The following CSMD3 variants were observed in gnomAD, a reference collection of about 807,000 sequenced individuals.
CSMD3 encodes the protein CUB and sushi domain-containing protein 3.
Under a neutral mutation model 435.2 loss-of-function variants are expected in CSMD3, and 177 were observed. The ratio of observed to expected loss-of-function variants is 0.41; its 90% CI spans 0.36 to 0.46. The LOEUF (loss-of-function observed/expected upper bound fraction) is 0.46. CSMD3 is among the 20% of genes least tolerant of loss of function. The pLI is 0.34. For missense variants in CSMD3, 4,265 were observed against 4,504.6 expected (o/e 0.95, Z 1.52); for synonymous variants, 1,656 against 1,520.5 (o/e 1.09, Z -2.07).
At position 113,412,693 on chromosome 8, in the gene CSMD3, C is replaced by T. The variant is rs1413645350; in HGVS notation, c.178+23984G>A. ...AAGCATTTCATAATATTGTATCAAT[C>T]TCCATACCTATCCTGTTTTCCTTCG... On this transcript the variant is annotated intron_variant, in intron 1 of 70. Coordinates refer to ENST00000297405, the MANE Select transcript of CSMD3 (RefSeq NM_198123.2). 3.3e-5 allele frequency among the ~76,000 whole-genome samples: 5 copies of T among 152,098 alleles called. No individual in the cohort carries two copies. The East Asian group carries it at 9.6e-4, about 29-fold the overall frequency.
intron 3 of CSMD3, among the ~76,000 whole-genome samples, chr8:113,178,665 G>C (rs192838547): frequency 6.6e-6 from 1 of 151,800 alleles, no homozygotes; most frequent in Non-Finnish European, 1.5e-5. Context: ...GATCTGAAAA[G>C]GATAAAAAGT....
At chr8:112,767,369 T>C (rs1046544707) in intron 13 of CSMD3, among the ~76,000 whole-genome samples, 3 of 151,760 alleles carry the variant, frequency 2.0e-5, no homozygotes, top group Admixed American at 6.6e-5. Context: ...AGATATAGGA[T>C]GATACCTAGG....
chr8:113,137,497 T>C (rs2091445691), intron 4 of CSMD3, among the ~76,000 whole-genome samples: 1 of 151,636 alleles, frequency 6.6e-6, no homozygotes, highest in Non-Finnish European at 1.5e-5. Context: ...ACTGAGTAAT[T>C]TATAAAAATA....
At chr8:113,210,861 A>G (rs2092826402) in intron 3 of CSMD3, among the ~76,000 whole-genome samples, 1 of 149,494 alleles carries the variant, frequency 6.7e-6, no homozygotes, top group African/African-American at 2.5e-5. Context: ...CAGGGGCAAC[A>G]GAGCAAGACT....
chr8:113,223,441 T>C (rs2092992312), intron 3 of CSMD3, among the ~76,000 whole-genome samples: 1 of 150,602 alleles, frequency 6.6e-6, no homozygotes, highest in African/African-American at 2.4e-5. Flanking sequence ...ATGGCATTAG[T>C]ACCTGCTCAG....
chr8:112,954,954 G>C (rs2083960370), intron 7 of CSMD3, among the ~76,000 whole-genome samples, 193 bp from the exon 8 acceptor site: 1 of 151,468 alleles, frequency 6.6e-6, no homozygotes, highest in Non-Finnish European at 1.5e-5. Context: ...AGTGTAGAAT[G>C]ATTTTAAATA....
In CSMD3 at chr8:112,913,748, A is replaced by C. The variant is rs189247970; in HGVS notation, c.1633+7879T>G. Among the ~76,000 whole-genome samples, 746 of 146,016 alleles carry C rather than the reference A, an allele frequency of 5.1e-3. 2 individuals are homozygous for C. The highest frequency in any genetic ancestry group is 7.6e-3 in the Non-Finnish European group (505 of 66,538). On this transcript the variant is annotated intron_variant, in intron 10 of 70. Transcript: ENST00000297405. Reference sequence around the variant, plus strand: ...TTCATCACCCTGTGGCTTTATACTTAGTTGTCTCTATCTTTAATGTCTTAC... The same window carrying C: ...TTCATCACCCTGTGGCTTTATACTTCGTTGTCTCTATCTTTAATGTCTTAC...
chr8:112,578,020 T>C (rs1180707480), intron 23 of CSMD3, among the ~76,000 whole-genome samples: 1 of 152,094 alleles, frequency 6.6e-6, no homozygotes, highest in African/African-American at 2.4e-5. Flanking sequence ...CCTAGCATTT[T>C]TACTTTTGGT....
At chr8:112,541,363 G>A (rs1826643830) in intron 27 of CSMD3, among the ~76,000 whole-genome samples, 1 of 151,784 alleles carries the variant, frequency 6.6e-6, no homozygotes, top group South Asian at 2.1e-4. Flanking sequence ...ACACAATTGA[G>A]ATTCCCTTAG....
chr8:112,480,294 G>A (rs1241511699), intron 31 of CSMD3, among the ~76,000 whole-genome samples: 1 of 152,170 alleles, frequency 6.6e-6, no homozygotes, highest in African/African-American at 2.4e-5. Flanking sequence ...TAGGCTGATG[G>A]GTGGAAGTGC....
intron 66 of CSMD3, among the ~76,000 whole-genome samples, chr8:112,240,864 T>A (rs1335031208): frequency 6.6e-6 from 1 of 152,032 alleles, no homozygotes; most frequent in Non-Finnish European, 1.5e-5. Flanking sequence ...GGGCTTCTGC[T>A]TTTGCATCTT....
intron 1 of CSMD3, among the ~76,000 whole-genome samples, chr8:113,391,652 T>G (rs2094461593): frequency 1.3e-5 from 2 of 152,124 alleles, no homozygotes; most frequent in Admixed American, 1.3e-4. Flanking sequence ...AAGGACCTAC[T>G]ATGAATGTCA....
intron 10 of CSMD3, among the ~76,000 whole-genome samples, chr8:112,883,487 G>A (rs554641046): frequency 7.9e-5 from 12 of 151,952 alleles, no homozygotes; most frequent in Non-Finnish European, 2.9e-5. Context: ...CTAACAAATA[G>A]TTTAAAAAAT....
At chr8:112,423,834 C>G (rs920666451) in intron 32 of CSMD3, among the ~76,000 whole-genome samples, 4 of 152,110 alleles carry the variant, frequency 2.6e-5, no homozygotes, top group African/African-American at 9.7e-5. Flanking sequence ...TGAGCCTCTA[C>G]CTCTTGTCCC....
chr8:112,597,017 A>G (rs1380464970), intron 22 of CSMD3, among the ~76,000 whole-genome samples: 2 of 152,230 alleles, frequency 1.3e-5, no homozygotes, highest in African/African-American at 4.8e-5. Flanking sequence ...AACTAAAATC[A>G]GAGCACAACT....
chr8:113,153,010 GGAAAA>G (rs948647463), intron 4 of CSMD3, among the ~76,000 whole-genome samples: 41 of 114,722 alleles, frequency 3.6e-4, no homozygotes, highest in African/African-American at 9.8e-4. Flanking sequence ...GAATACAAAA[GGAAAA>G]GAAAAGAAAA....
chr8:112,814,033 G>A (rs2079302730), intron 12 of CSMD3, among the ~76,000 whole-genome samples: 1 of 152,250 alleles, frequency 6.6e-6, no homozygotes, highest in African/African-American at 2.4e-5. Flanking sequence ...TTATCAAATA[G>A]GCATACACAT....
chr8:112,600,868 G>A (rs920587683), intron 22 of CSMD3, among the ~76,000 whole-genome samples: 4 of 151,846 alleles, frequency 2.6e-5, no homozygotes, highest in Non-Finnish European at 5.9e-5. Context: ...TAGTAGAGAC[G>A]GGGTTTCACC....
At chr8:113,029,903 G>C (rs767045875) in intron 5 of CSMD3, among the ~76,000 whole-genome samples, 1 of 151,310 alleles carries the variant, frequency 6.6e-6, no homozygotes, top group Non-Finnish European at 1.5e-5. Context: ...AAAGCTCCTA[G>C]AACTGATAAA....
Sources: allele counts gnomAD v4.1 joint callset (sites outside exome capture counted in the v4.1 genomes callset), GRCh38; gene constraint gnomAD v4.1.1; transcripts MANE v1.5; gene names NCBI Gene and HGNC (gene_info 2026-07-23, HGNC 2026-07-21).